The following EYA2 variants were observed in gnomAD, a reference collection of about 807,000 sequenced individuals.
EYA2 encodes the protein protein phosphatase EYA2.
A neutral mutation model predicts 69.2 loss-of-function variants in EYA2; 31 were observed. The ratio of observed to expected loss-of-function variants is 0.45; its 90% CI spans 0.34 to 0.60. EYA2 has a LOEUF of 0.60. EYA2 is among the 20% of genes least tolerant of loss of function. EYA2 has a pLI of 0.02. For missense variants in EYA2, 622 were observed against 701.2 expected (o/e 0.89, Z 1.28); for synonymous variants, 257 against 279.4 (o/e 0.92, Z 0.80).
chr20:47,055,207 T>A (rs890790778), intron 5 of EYA2, among the ~76,000 whole-genome samples: 1 of 152,224 alleles, frequency 6.6e-6, no homozygotes, highest in Non-Finnish European at 1.5e-5. Flanking sequence ...ACCAGGGAAG[T>A]GTAAGCCATC....
At chr20:47,102,536 T>C (rs1375249644) in intron 9 of EYA2, among the ~76,000 whole-genome samples, 1 of 152,208 alleles carries the variant, frequency 6.6e-6, no homozygotes, top group African/African-American at 2.4e-5. Flanking sequence ...AAATCATTAA[T>C]AGTACCAGCC....
At chr20:47,173,882 G>A (rs2034378625) in intron 12 of EYA2, among the ~76,000 whole-genome samples, 1 of 152,212 alleles carries the variant, frequency 6.6e-6, no homozygotes, top group South Asian at 2.1e-4. Flanking sequence ...GACATCAGGA[G>A]TCATAAAGAT....
At chr20:47,124,912 C>T (rs1261437367) in intron 9 of EYA2, among the ~76,000 whole-genome samples, 1 of 151,694 alleles carries the variant, frequency 6.6e-6, no homozygotes, top group Non-Finnish European at 1.5e-5. Context: ...AATAGTTGCA[C>T]AAAACCCCAA....
chr20:47,105,624 C>CAAAAA (rs3085517), intron 9 of EYA2, among the ~76,000 whole-genome samples: 17 of 131,216 alleles, frequency 1.3e-4, no homozygotes, highest in African/African-American at 4.6e-4. Flanking sequence ...GACTCTGTCC[C>CAAAAA]AAAAAAAAAA....
chr20:47,146,863 A>G (rs2033712766), intron 10 of EYA2, among the ~76,000 whole-genome samples: 1 of 152,214 alleles, frequency 6.6e-6, no homozygotes, highest in Admixed American at 6.5e-5. Context: ...CAGCAAACCA[A>G]ACACAGCAAG....
intron 8 of EYA2, among the ~76,000 whole-genome samples, chr20:47,093,355 G>A (rs1397759994): frequency 6.6e-6 from 1 of 152,178 alleles, no homozygotes; most frequent in Non-Finnish European, 1.5e-5. Context: ...TGGGTGGATG[G>A]GCAGAAAGAA....
In EYA2 at chr20:46,894,932, G is replaced by C. The variant is rs112705259; in HGVS notation, c.-66G>C. On this transcript the variant is annotated 5_prime_UTR_variant, in exon 1 of 16. Transcript: ENST00000327619. ...CAGTCAGCCCGGCCTCGTCGGACCCGCACCGGCCCGCCCGCCCGCCCGCAC... is the reference window on the plus strand; with the variant it reads ...CAGTCAGCCCGGCCTCGTCGGACCCCCACCGGCCCGCCCGCCCGCCCGCAC... 4 of 151,550 alleles carry C rather than the reference G, an allele frequency of 2.6e-5. No individual in the cohort carries two copies. The highest frequency in any genetic ancestry group is 4.8e-5 in the African/African-American group (2 of 41,350). The allele number at this position is 151,550 out of a possible 1,614,324, so 9.4% of individuals were successfully genotyped here.
At chr20:47,186,726 C>G (rs1015470366) in intron 15 of EYA2, among the ~76,000 whole-genome samples, 2 of 152,162 alleles carry the variant, frequency 1.3e-5, no homozygotes, top group African/African-American at 4.8e-5. Flanking sequence ...CCATCCCATT[C>G]ACTTCTACCA....
At chr20:47,154,819 TTGTGTGTGTGTGTGTGTGTG>T (rs11472542) in intron 10 of EYA2, among the ~76,000 whole-genome samples, 3 of 140,794 alleles carry the variant, frequency 2.1e-5, no homozygotes, top group East Asian at 2.3e-4. Flanking sequence ...TTATTTTGTT[TTGTGTGTGTGTGTGTGTGTG>T]TGTGTGTGTG....
chr20:47,076,275 AT>A (rs2031514060), intron 7 of EYA2, among the ~76,000 whole-genome samples: 1 of 152,236 alleles, frequency 6.6e-6, no homozygotes, highest in Non-Finnish European at 1.5e-5. Flanking sequence ...TCCTTGAGAA[AT>A]CTTCAGGCCG....
intron 1 of EYA2, among the ~76,000 whole-genome samples, chr20:46,952,966 A>G (rs1025900562): frequency 2.6e-5 from 4 of 152,138 alleles, no homozygotes; most frequent in East Asian, 1.9e-4. Context: ...AAACATTCCT[A>G]TTTCACCCTG....
intron 10 of EYA2, among the ~76,000 whole-genome samples, chr20:47,147,368 T>C (rs2033724361): frequency 6.6e-6 from 1 of 152,076 alleles, no homozygotes; most frequent in Non-Finnish European, 1.5e-5. Context: ...TTCTGACTTT[T>C]GAGCAAAGAC....
chr20:46,904,525 C>G (rs1984262773), intron 1 of EYA2, among the ~76,000 whole-genome samples: 1 of 152,044 alleles, frequency 6.6e-6, no homozygotes. Flanking sequence ...TGTGATTGAA[C>G]TTGAGACTTC....
chr20:47,117,623 G>A (rs1379671364), intron 9 of EYA2: 2 of 985,286 alleles, frequency 2.0e-6, no homozygotes, highest in African/African-American at 3.5e-5. Context: ...GTCTGTTACT[G>A]CTTTACAAAC....
chr20:46,973,890 G>A (rs1046597845), intron 1 of EYA2, among the ~76,000 whole-genome samples: 8 of 151,910 alleles, frequency 5.3e-5, no homozygotes, highest in Admixed American at 2.6e-4. Context: ...CTCATGAATC[G>A]CTGCATGGCT....
chr20:46,899,730 T>C (rs1983998776), intron 1 of EYA2, among the ~76,000 whole-genome samples: 1 of 152,206 alleles, frequency 6.6e-6, no homozygotes, highest in Non-Finnish European at 1.5e-5. Context: ...GGGAGGCCAC[T>C]GGTTGCCTGA....
chr20:47,040,505 C>T (rs148149254), intron 5 of EYA2, among the ~76,000 whole-genome samples: 2 of 152,272 alleles, frequency 1.3e-5, no homozygotes, highest in East Asian at 1.9e-4. Context: ...GAGAAAACGC[C>T]GAGTTGGGGC....
chr20:47,181,941 G>A (rs548288881), intron 14 of EYA2, among the ~76,000 whole-genome samples: 21 of 151,998 alleles, frequency 1.4e-4, no homozygotes, highest in Admixed American at 1.2e-3. Context: ...GGTTTATTTC[G>A]AATCTCTTTT....
At chr20:47,101,550 A>C (rs1299084595) in intron 9 of EYA2, among the ~76,000 whole-genome samples, 1 of 152,224 alleles carries the variant, frequency 6.6e-6, no homozygotes, top group African/African-American at 2.4e-5. Flanking sequence ...TAGATATTCT[A>C]TTACTCTGAG....
Sources: allele counts gnomAD v4.1 joint callset (sites outside exome capture counted in the v4.1 genomes callset), GRCh38; gene constraint gnomAD v4.1.1; transcripts MANE v1.5; gene names NCBI Gene and HGNC (gene_info 2026-07-23, HGNC 2026-07-21).